Variants in CNNM1 observed in about 807,000 individuals in gnomAD.
CNNM1 encodes metal transporter CNNM1.
CNNM1 carries 44 observed loss-of-function variants against 78.8 expected under a neutral mutation model. The ratio of observed to expected loss-of-function variants is 0.56; its 90% CI spans 0.44 to 0.72. CNNM1 has a LOEUF of 0.72. Among genes scored for constraint, CNNM1 ranks in the 30% least tolerant of loss-of-function variants. CNNM1 has a pLI of 0.00. For synonymous variants in CNNM1, 584 were observed against 581.5 expected, an observed-to-expected ratio of 1.00 and a Z score of -0.06; for missense variants, 1,101 against 1,292.2, an observed-to-expected ratio of 0.85 and a Z score of 2.27.
chr10:99,382,935 A>G (rs1331423063), intron 7 of CNNM1, among the ~76,000 whole-genome samples: 1 of 152,142 alleles, frequency 6.6e-6, no homozygotes, highest in East Asian at 1.9e-4. Context: ...TAAACTGGCC[A>G]CTCTATAAGA....
chr10:99,329,431 T>G lies in CNNM1; in HGVS notation c.44T>G (p.Leu15Arg). ...GCGGCAGCAGCGGTGGGTGTCAGGC[T>G]CCGGGACTGCTGCAGCCGAGGCGCT... ...AAAAAAVGVR[L>R]RDCCSRGAVL... is the part of the protein sequence containing the mutation. The change falls in exon 1 of 11, where the codon CTC becomes CGC. Residue 15 changes from leucine to arginine, a missense_variant. By Grantham distance (102) the Leu-to-Arg change is moderately radical. Coordinates refer to ENST00000356713, the MANE Select transcript of CNNM1 (RefSeq NM_020348.3). 1 of 1,163,856 alleles carries G rather than the reference T, an allele frequency of 8.6e-7. No homozygotes were observed. The highest frequency in any genetic ancestry group is 1.2e-6 in the Non-Finnish European group (1 of 839,910). 72.1% of individuals were successfully genotyped at this position (1,163,856 alleles called of 1,614,324 possible).
chr10:99,334,239 G>T (rs1190941654), intron 1 of CNNM1, among the ~76,000 whole-genome samples: 1 of 152,208 alleles, frequency 6.6e-6, no homozygotes, highest in Non-Finnish European at 1.5e-5. Context: ...TAATGAACAA[G>T]GTGGATGTTC....
chr10:99,380,810 A>AAG (rs2032123820), intron 7 of CNNM1, among the ~76,000 whole-genome samples: 3 of 150,806 alleles, frequency 2.0e-5, no homozygotes, highest in Non-Finnish European at 4.4e-5. Flanking sequence ...AAAAGAGAAA[A>AAG]CAAAACAAAA....
chr10:99,329,698 C>T lies in CNNM1; in HGVS notation c.311C>T (p.Pro104Leu). 1.3e-6 allele frequency: 2 copies of T among 1,547,414 alleles called. No homozygotes were observed. Among genetic ancestry groups the T allele is most frequent in the South Asian group, 2.4e-5 (2 of 84,344 alleles). The part of the protein sequence containing the change: ...SGENGTGDWA[P>L]RLVFIEEPPG... ...GAGAATGGCACCGGCGACTGGGCTC[C>T]GCGGCTCGTGTTCATCGAGGAGCCC... Residue 104 changes from proline to leucine, a missense_variant, in exon 1 of 11, where the codon CCG becomes CTG. Physicochemically the swap from Pro to Leu is moderately conservative, Grantham distance 98 (BLOSUM62 -3). This residue lies in a region of CNNM1 where 476 missense variants were observed against 484.5 expected (regional missense o/e 0.98). Coordinates refer to ENST00000356713, the MANE Select transcript of CNNM1 (RefSeq NM_020348.3).
At chr10:99,342,564 A>G (rs1413057101) in intron 1 of CNNM1, among the ~76,000 whole-genome samples, 1 of 152,146 alleles carries the variant, frequency 6.6e-6, no homozygotes, top group Non-Finnish European at 1.5e-5. Context: ...AGAAAGGGAC[A>G]GTTTTGTTTT....
chr10:99,335,180 T>C (rs1353383448), intron 1 of CNNM1, among the ~76,000 whole-genome samples: 2 of 152,268 alleles, frequency 1.3e-5, no homozygotes, highest in Non-Finnish European at 2.9e-5. Context: ...ATTGCTAACA[T>C]GCATATTGCA....
At chr10:99,346,278 G>A (rs2030692567) in intron 1 of CNNM1, among the ~76,000 whole-genome samples, 1 of 152,176 alleles carries the variant, frequency 6.6e-6, no homozygotes, top group Non-Finnish European at 1.5e-5. Flanking sequence ...AGTTGTCCAA[G>A]ATGGGATGAG....
chr10:99,382,367 A>C (rs959665415), intron 7 of CNNM1, among the ~76,000 whole-genome samples: 2 of 152,232 alleles, frequency 1.3e-5, no homozygotes, highest in African/African-American at 4.8e-5. Flanking sequence ...GATGTCTTAC[A>C]GTCTGGACTA....
chr10:99,364,562 T>C (rs1057249233), intron 5 of CNNM1, 46 bp downstream of exon 5: 3 of 1,480,076 alleles, frequency 2.0e-6, no homozygotes, highest in Admixed American at 2.0e-5. Context: ...TGGGATATGG[T>C]AGAAAAAGCA....
chr10:99,388,107 G>A (rs1266262919), intron 8 of CNNM1, 45 bp from the exon 9 acceptor site: 1 of 1,610,168 alleles, frequency 6.2e-7, no homozygotes, highest in Non-Finnish European at 8.5e-7. Context: ...TGAGCCCTGG[G>A]TCTTCTCCAA....
chr10:99,380,258 G>C (rs1473869482), intron 7 of CNNM1, among the ~76,000 whole-genome samples: 1 of 152,118 alleles, frequency 6.6e-6, no homozygotes, highest in African/African-American at 2.4e-5. Context: ...TGAATATTGA[G>C]GGGACACAAA....
chr10:99,330,947 G>C lies in CNNM1; in HGVS notation c.1560G>C (p.Glu520Asp), dbSNP rs771134672. ...ACACCCGACTGGACACGGTTCTGGAGGAGTTTAAGAAGGGTGAGCAGTAGT... is the reference window on the plus strand; with the variant it reads ...ACACCCGACTGGACACGGTTCTGGACGAGTTTAAGAAGGGTGAGCAGTAGT... ...FNDTRLDTVL[E>D]EFKKGKSHLA... Residue 520 changes from glutamate (E) to aspartate (D), a missense_variant, in exon 1 of 11, where the codon GAG becomes GAC. Around this residue, in one of 3 missense-constraint regions of CNNM1, gnomAD observed 277 missense variants for 423.2 expected, o/e 0.65. Coordinates refer to ENST00000356713, the MANE Select transcript of CNNM1 (RefSeq NM_020348.3). 1 of 1,611,800 alleles carries C rather than the reference G, an allele frequency of 6.2e-7. No homozygotes were observed. The highest frequency in any genetic ancestry group is 8.5e-7 in the Non-Finnish European group (1 of 1,179,152).
chr10:99,359,186 G>A (rs377100250), intron 2 of CNNM1, among the ~76,000 whole-genome samples: 54 of 151,558 alleles, frequency 3.6e-4, no homozygotes, highest in African/African-American at 1.2e-3. Context: ...AAGGAGAAGG[G>A]GGCGATGAGA....
In CNNM1 at chr10:99,330,034, G is replaced by A; in HGVS notation, c.647G>A (p.Gly216Glu). Reference sequence around the variant, plus strand: ...CGCCCGCGGTTGTACGGCCCAGGCGGGGACCTGCTGCCCCCTGCGTGGCTG... The same window carrying A: ...CGCCCGCGGTTGTACGGCCCAGGCGAGGACCTGCTGCCCCCTGCGTGGCTG... ...RVRPRLYGPG[G>E]DLLPPAWLRA... is the part of the protein sequence containing the mutation. Residue 216 changes from glycine to glutamate, a missense_variant, in exon 1 of 11, where the codon GGG (glycine) becomes GAG (glutamate). By Grantham distance (98) the Gly-to-Glu change is moderately conservative. Transcript: ENST00000356713. 6.7e-7 allele frequency: 1 copy of A among 1,489,390 alleles called. No individual in the cohort carries two copies. Among genetic ancestry groups the A allele is most frequent in the Non-Finnish European group, 8.8e-7 (1 of 1,130,958 alleles). The allele number at this position is 1,489,390 out of a possible 1,614,324, so 92.3% of individuals were successfully genotyped here.
At chr10:99,349,674 G>C (rs563629244) in intron 1 of CNNM1, among the ~76,000 whole-genome samples, 2 of 152,270 alleles carry the variant, frequency 1.3e-5, no homozygotes, top group African/African-American at 4.8e-5. Context: ...TCAAACTTTA[G>C]TGTGCATAAG....
intron 1 of CNNM1, among the ~76,000 whole-genome samples, chr10:99,354,473 T>A (rs1312758744): frequency 2.6e-5 from 4 of 152,236 alleles, no homozygotes. Context: ...AGGCACTGAT[T>A]GGCTGTCTGA....
chr10:99,346,791 T>C (rs1247434411), intron 1 of CNNM1, among the ~76,000 whole-genome samples: 2 of 151,840 alleles, frequency 1.3e-5, no homozygotes, highest in Non-Finnish European at 2.9e-5. Context: ...TAATTTTTTA[T>C]AGAAATGGGC....
chr10:99,388,201 G>A lies in CNNM1; in HGVS notation c.2574G>A (p.Arg858=). The A allele has an allele frequency of 6.2e-7, 1 of 1,614,048 alleles. No individual in the cohort carries two copies. The highest frequency in any genetic ancestry group is 8.5e-7 in the Non-Finnish European group (1 of 1,179,910). The change falls in exon 9 of 11, where the codon AGG becomes AGA. Residue 858 remains arginine, a synonymous_variant. Transcript: ENST00000356713. ...LRSPSEVVYL[R]MEELAFTQEE... ...GCCCCAGCGAGGTAGTGTACCTGAG[G>A]ATGGAGGAGCTGGCCTTCACCCAGG...
At position 99,392,546 on chromosome 10, in the gene CNNM1, C is replaced by T. The variant is rs1168739359; in HGVS notation, c.*1030C>T. The T allele has an allele frequency of 6.6e-6, 1 of 152,582 alleles. No individual in the cohort carries two copies. Among genetic ancestry groups the T allele is most frequent in the Non-Finnish European group, 1.5e-5 (1 of 68,046 alleles). The allele number at this position is 152,582 out of a possible 1,614,324, so 9.5% of individuals were successfully genotyped here. A position where few individuals can be genotyped will look rare whatever the true frequency, so the allele number is the denominator to read the frequency against. On this transcript the variant is annotated 3_prime_UTR_variant, in exon 11 of 11. Transcript: ENST00000356713. ...GTCCTTCTCCCACCCCCTTACTACA[C>T]CCTAGCAGATCAGCTGAGTGTACTT...
Sources: allele counts gnomAD v4.1 joint callset (sites outside exome capture counted in the v4.1 genomes callset), GRCh38; gene constraint gnomAD v4.1.1; regional missense constraint gnomAD v4.1.1; transcripts MANE v1.5; gene names NCBI Gene and HGNC (gene_info 2026-07-23, HGNC 2026-07-21).